EYS: variants seen among roughly 807,000 people sequenced by gnomAD.
EYS encodes the protein protein eyes shut homolog.
In EYS, 250 loss-of-function variants were observed where a neutral mutation model predicts 282.1. That is an observed-to-expected ratio of 0.89 (90% CI 0.80 to 0.98). EYS has a LOEUF of 0.98. EYS is among the 50% of genes least tolerant of loss of function. The pLI, the probability that EYS is intolerant of heterozygous loss-of-function variation, is 0.00. For missense variants in EYS, 4,016 were observed against 3,709.0 expected, an observed-to-expected ratio of 1.08 and a Z score of -2.15; for synonymous variants, 1,355 against 1,282.9, an observed-to-expected ratio of 1.06 and a Z score of -1.20.
At chr6:63,747,377 A>G (rs1260239974) in intron 41 of EYS, among the ~76,000 whole-genome samples, 2 of 152,322 alleles carry the variant, frequency 1.3e-5, no homozygotes, top group Admixed American at 6.5e-5. Context: ...TATGCGGTCA[A>G]TTTTAGAATA....
chr6:64,253,836 C>G (rs942286091), intron 30 of EYS, among the ~76,000 whole-genome samples: 2 of 148,656 alleles, frequency 1.3e-5, no homozygotes, highest in Non-Finnish European at 3.0e-5. Context: ...TTCTTCCCCC[C>G]AAAAGACTGT....
At chr6:64,578,516 C>A (rs893900773) in intron 26 of EYS, among the ~76,000 whole-genome samples, 1 of 152,072 alleles carries the variant, frequency 6.6e-6, no homozygotes, top group Admixed American at 6.6e-5. Context: ...TTGTCACTCA[C>A]TCTTCAACCC....
rs183938847 is a variant in EYS, at chr6:64,547,089, G to T, written c.5644+43134C>A. On this transcript the variant is annotated intron_variant, in intron 26 of 42. Coordinates refer to ENST00000503581, the MANE Select transcript of EYS (RefSeq NM_001142800.2). Reference sequence around the variant, plus strand: ...TTCCTTCTGGTGGGTTTGTGGTCTTGCTGGCTCAGGAGTGAAGCTGCAGAC... The same window carrying T: ...TTCCTTCTGGTGGGTTTGTGGTCTTTCTGGCTCAGGAGTGAAGCTGCAGAC... Among the ~76,000 whole-genome samples the T allele has an allele frequency of 2.0e-4, 30 of 152,284 alleles. No homozygotes were observed. The East Asian group carries it at 5.8e-3, about 29-fold the overall frequency.
intron 12 of EYS, among the ~76,000 whole-genome samples, chr6:65,146,821 T>G (rs1461333879): frequency 1.3e-5 from 2 of 152,000 alleles, no homozygotes; most frequent in African/African-American, 2.4e-5. Flanking sequence ...TTTGAAGAGT[T>G]CCATTTATCA....
chr6:64,603,926 A>G (rs1011931400), intron 24 of EYS, among the ~76,000 whole-genome samples: 1 of 150,456 alleles, frequency 6.6e-6, no homozygotes, highest in African/African-American at 2.4e-5. Context: ...AGCATCTACC[A>G]AAAAGGTGGC....
intron 26 of EYS, among the ~76,000 whole-genome samples, chr6:64,472,292 G>A (rs1358919695): frequency 2.6e-5 from 4 of 152,150 alleles, no homozygotes; most frequent in Admixed American, 6.5e-5. Context: ...AGGTGAGAAG[G>A]AGCCTCTATG....
intron 18 of EYS, among the ~76,000 whole-genome samples, chr6:64,897,430 G>A (rs534517281): frequency 2.7e-4 from 41 of 152,034 alleles, no homozygotes; most frequent in Non-Finnish European, 5.6e-4. Context: ...AGACGAACAC[G>A]TGAAAACTCC....
At chr6:63,726,068 GT>G (rs1269414502) in intron 42 of EYS, among the ~76,000 whole-genome samples, 1 of 152,038 alleles carries the variant, frequency 6.6e-6, no homozygotes, top group African/African-American at 2.4e-5. Flanking sequence ...ATCCTAAAAT[GT>G]TTTTGTAAGC....
chr6:64,310,372 A>G (rs576859227), intron 29 of EYS, among the ~76,000 whole-genome samples: 1 of 152,354 alleles, frequency 6.6e-6, no homozygotes, highest in South Asian at 2.1e-4. Flanking sequence ...GAAAATGTAC[A>G]TAGACACAAT....
intron 29 of EYS, among the ~76,000 whole-genome samples, chr6:64,371,325 T>G (rs1772362649): frequency 7.0e-5 from 1 of 14,336 alleles, no homozygotes; most frequent in African/African-American, 2.6e-4. Flanking sequence ...TTATGGTTGG[T>G]TTTTTTTTTT....
intron 12 of EYS, among the ~76,000 whole-genome samples, chr6:65,130,196 C>A (rs890786033): frequency 6.6e-6 from 1 of 151,534 alleles, no homozygotes; most frequent in Non-Finnish European, 1.5e-5. Context: ...GAAAAACTAC[C>A]GCTTGAGTAC....
At chr6:65,704,324 G>A (rs1005576637) in intron 1 of EYS, among the ~76,000 whole-genome samples, 3 of 152,130 alleles carry the variant, frequency 2.0e-5, no homozygotes, top group Non-Finnish European at 4.4e-5. Flanking sequence ...TCCATTTTAT[G>A]AAAATTCACT....
chr6:63,952,928 T>C (rs1272309814), intron 35 of EYS, among the ~76,000 whole-genome samples: 1 of 152,196 alleles, frequency 6.6e-6, no homozygotes, highest in Non-Finnish European at 1.5e-5. Context: ...TGTTACAGCA[T>C]GGCCTTTTAC....
chr6:64,588,090 G>T (rs867970854), intron 26 of EYS, among the ~76,000 whole-genome samples: 1 of 151,922 alleles, frequency 6.6e-6, no homozygotes, highest in African/African-American at 2.4e-5. Context: ...AAGTTAATTT[G>T]CTCAACAAAT....
intron 2 of EYS, among the ~76,000 whole-genome samples, chr6:65,595,474 A>G (rs1348175929): frequency 6.6e-6 from 1 of 152,160 alleles, no homozygotes; most frequent in Non-Finnish European, 1.5e-5. Context: ...ATAATTAAAA[A>G]AAAAAAAAAT....
At chr6:64,313,937 C>T (rs537762973) in intron 29 of EYS, among the ~76,000 whole-genome samples, 34 of 152,100 alleles carry the variant, frequency 2.2e-4, no homozygotes, top group South Asian at 8.3e-4. Context: ...AGACCACTGA[C>T]GCTATGAAGA....
chr6:65,202,610 C>T (rs1306286482), intron 12 of EYS, among the ~76,000 whole-genome samples: 1 of 152,102 alleles, frequency 6.6e-6, no homozygotes, highest in Non-Finnish European at 1.5e-5. Context: ...ACTGTCAAAA[C>T]ATAGAGAAAG....
At chr6:64,072,077 G>A (rs762015059) in intron 32 of EYS, among the ~76,000 whole-genome samples, 11 of 151,946 alleles carry the variant, frequency 7.2e-5, no homozygotes, top group Non-Finnish European at 1.6e-4. Context: ...TATAAATTCA[G>A]TATGAGAGCA....
intron 12 of EYS, among the ~76,000 whole-genome samples, chr6:65,083,347 A>C (rs1023841036): frequency 6.6e-6 from 1 of 151,998 alleles, no homozygotes; most frequent in Non-Finnish European, 1.5e-5. Context: ...TCAATTGGCT[A>C]TACAACCTAG....
Sources: gnomAD v4.1 joint callset for allele counts (sites outside exome capture counted in the v4.1 genomes callset) on GRCh38, gnomAD v4.1.1 for gene constraint, MANE v1.5 for transcripts, NCBI Gene and HGNC (gene_info 2026-07-23, HGNC 2026-07-21) for gene names.